Variants in ULK4 observed in about 807,000 individuals in gnomAD.
ULK4 encodes the protein inactive serine/threonine-protein kinase ULK4.
A neutral mutation model predicts 160.6 loss-of-function variants in ULK4; 133 were observed. The ratio of observed to expected loss-of-function variants is 0.83; its 90% confidence interval spans 0.72 to 0.96. The LOEUF is 0.96. Among genes scored for constraint, ULK4 ranks in the 40% least tolerant of loss-of-function variants. ULK4 has a pLI of 0.00. For missense variants in ULK4, 1,580 were observed against 1,499.5 expected (o/e 1.05, Z -0.89); for synonymous variants, 534 against 539.8 (o/e 0.99, Z 0.15).
intron 35 of ULK4, among the ~76,000 whole-genome samples, chr3:41,317,826 T>C (rs902535775): frequency 8.5e-5 from 13 of 152,350 alleles, no homozygotes; most frequent in African/African-American, 3.1e-4. Flanking sequence ...ACTGAGGCTC[T>C]GCCACCACCA....
At chr3:41,335,245 T>G (rs551417513) in intron 35 of ULK4, among the ~76,000 whole-genome samples, 9 of 152,338 alleles carry the variant, frequency 5.9e-5, no homozygotes, top group Non-Finnish European at 1.2e-4. Flanking sequence ...AATTAGGCAC[T>G]GAGCACAGGT....
chr3:41,484,626 G>T (rs1433488303), intron 32 of ULK4, among the ~76,000 whole-genome samples: 1 of 151,876 alleles, frequency 6.6e-6, no homozygotes, highest in Non-Finnish European at 1.5e-5. Flanking sequence ...CTAATTTTTT[G>T]TATTTTTAGT....
intron 32 of ULK4, among the ~76,000 whole-genome samples, chr3:41,537,132 G>A (rs1321871917): frequency 6.6e-6 from 1 of 151,938 alleles, no homozygotes; most frequent in East Asian, 1.9e-4. Context: ...CTCTGGTGTG[G>A]TGTCTATTAG....
chr3:41,660,719 T>C (rs1394661155), intron 30 of ULK4, among the ~76,000 whole-genome samples: 1 of 152,144 alleles, frequency 6.6e-6, no homozygotes, highest in Non-Finnish European at 1.5e-5. Flanking sequence ...GCCTCAGCCA[T>C]AACTGACATG....
intron 17 of ULK4, among the ~76,000 whole-genome samples, chr3:41,841,959 C>T (rs536081669): frequency 6.6e-6 from 1 of 152,046 alleles, no homozygotes; most frequent in African/African-American, 2.4e-5. Flanking sequence ...TAAGAGTCAT[C>T]ACCACTCCCT....
Position 41,856,573 on chromosome 3 carries a change from A to ATG in ULK4, c.1657-20604_1657-20603dup, listed in dbSNP as rs1283889509. On this transcript the variant is annotated intron_variant, in intron 17 of 36. Coordinates refer to ENST00000301831, the MANE Select transcript of ULK4 (RefSeq NM_017886.4). ...TGTGTATATATATACACATATATAT[A>ATG]TGTGTATATATATACACATATATAT... Among the ~76,000 whole-genome samples the ATG allele has an allele frequency of 2.9e-4, 20 of 69,424 alleles. 3 individuals are homozygous for ATG. Among genetic ancestry groups the ATG allele is most frequent in the South Asian group, 6.8e-4 (2 of 2,946 alleles). The allele number at this position is 69,424 out of a possible 152,430, so 45.5% of individuals were successfully genotyped here.
intron 32 of ULK4, among the ~76,000 whole-genome samples, chr3:41,491,226 A>AATCTATTTGAT (rs2084750045): frequency 6.6e-6 from 1 of 152,224 alleles, no homozygotes; most frequent in Non-Finnish European, 1.5e-5. Context: ...TTCTTCCTAA[A>AATCTATTTGAT]TTAATCTATT....
chr3:41,298,021 A>T (rs750642531), intron 35 of ULK4, among the ~76,000 whole-genome samples: 27 of 152,240 alleles, frequency 1.8e-4, no homozygotes, highest in Non-Finnish European at 2.6e-4. Flanking sequence ...TTTACAGTAG[A>T]TAAAAATTGC....
intron 35 of ULK4, among the ~76,000 whole-genome samples, chr3:41,289,942 C>T (rs1228791024): frequency 1.3e-5 from 2 of 152,088 alleles, no homozygotes; most frequent in African/African-American, 4.8e-5. Context: ...ATGGCACGAT[C>T]TCGGTTCACT....
intron 30 of ULK4, among the ~76,000 whole-genome samples, chr3:41,619,247 C>T (rs2033127828): frequency 6.6e-6 from 1 of 151,956 alleles, no homozygotes; most frequent in African/African-American, 2.4e-5. Flanking sequence ...ATATTCAGGA[C>T]TTGAACTCAG....
intron 1 of ULK4, among the ~76,000 whole-genome samples, chr3:41,956,802 T>C (rs138204991): frequency 1.0e-3 from 152 of 152,354 alleles, no homozygotes; most frequent in Middle Eastern, 6.8e-3. Flanking sequence ...CACCCATTCA[T>C]TTATATATTG....
rs1253916965 is a variant in ULK4 at position 41,430,812 on chromosome 3, CTATTAAATATCCACAT to C, written c.3492+24669_3492+24684del. Reference sequence around the variant, plus strand: ...TCACAGTTATGGGTAAATATCCACACTATTAAATATCCACATTATTAAATATCCACATTATTTTCCT... The same window carrying C: ...TCACAGTTATGGGTAAATATCCACACTATTAAATATCCACATTATTTTCCT... On this transcript the variant is annotated intron_variant, in intron 34 of 36. Transcript: ENST00000301831. 5.3e-5 allele frequency among the ~76,000 whole-genome samples: 8 copies of C among 152,004 alleles called. No homozygotes were observed. The East Asian group carries it at 5.8e-4, about 11-fold the overall frequency.
intron 32 of ULK4, among the ~76,000 whole-genome samples, chr3:41,552,719 T>A (rs1266972122): frequency 2.2e-5 from 3 of 133,476 alleles, no homozygotes; most frequent in African/African-American, 8.3e-5. Context: ...CTGATGCTAT[T>A]TTTTACAGAA....
Position 41,651,182 on chromosome 3 carries a change from C to T in ULK4, c.3071+12425G>A, listed in dbSNP as rs148269179. Among the ~76,000 whole-genome samples the T allele has an allele frequency of 1.6e-3, 237 of 152,318 alleles. 2 individuals carry two copies. The highest frequency in any genetic ancestry group is 5.5e-3 in the African/African-American group (230 of 41,574). ...GTCCTCATCATACTGACCCTCTCAG[C>T]AGCCCTGGATATTGTTATTCTCTCC... On this transcript the variant is annotated intron_variant, in intron 30 of 36. Transcript: ENST00000301831.
intron 35 of ULK4, among the ~76,000 whole-genome samples, chr3:41,300,835 GATTATATATATAT>G (rs2079772660): frequency 1.4e-5 from 1 of 71,464 alleles, no homozygotes. Context: ...TCATTTTACA[GATTATATATATAT>G]ATATATATAT....
chr3:41,289,824 T>C (rs1339273608), intron 35 of ULK4, among the ~76,000 whole-genome samples: 1 of 145,150 alleles, frequency 6.9e-6, no homozygotes, highest in Non-Finnish European at 1.5e-5. Context: ...TGTATGTATG[T>C]ATGTATGTAT....
At chr3:41,524,814 T>C (rs765022896) in intron 32 of ULK4, among the ~76,000 whole-genome samples, 35 of 152,240 alleles carry the variant, frequency 2.3e-4, no homozygotes, top group Non-Finnish European at 4.3e-4. Flanking sequence ...GACACGTGCC[T>C]GTAGTCCAAG....
At chr3:41,299,345 G>A (rs1279455073) in intron 35 of ULK4, among the ~76,000 whole-genome samples, 1 of 152,218 alleles carries the variant, frequency 6.6e-6, no homozygotes, top group Admixed American at 6.5e-5. Context: ...GCATGAGGGA[G>A]CACAGCATTC....
In ULK4 at chr3:41,246,940, C is replaced by T. The variant is rs754890627; in HGVS notation, c.3817G>A (p.Val1273Ile). 3.2e-5 allele frequency: 52 copies of T among 1,613,562 alleles called. No homozygotes were observed. In the Middle Eastern group the frequency reaches 6.6e-4, roughly 20 times the overall value. The change falls in exon 37 of 37, where the codon GTT becomes ATT. Residue 1273 changes from valine (V) to isoleucine (I), a missense_variant. Physicochemically the swap from Val to Ile is conservative, Grantham distance 29. Transcript: ENST00000301831. Reference protein sequence around the residue: ...APLALEILQAVGH With the variant: ...APLALEILQAIGH ...AAGCACCTTCTTGCCTAGTGCCCAA[C>T]GGCTTGGAGGATTTCCAGGGCCAAG...
Sources: allele counts gnomAD v4.1 joint callset (sites outside exome capture counted in the v4.1 genomes callset), GRCh38; gene constraint gnomAD v4.1.1; transcripts MANE v1.5; gene names NCBI Gene and HGNC (gene_info 2026-07-23, HGNC 2026-07-21).